GRID2: variants seen among roughly 807,000 people sequenced by gnomAD.
The protein encoded by GRID2 is glutamate ionotropic receptor delta type subunit 2.
A neutral mutation model predicts 114.8 loss-of-function variants in GRID2; 33 were observed. The observed-to-expected ratio is 0.29, with a 90% CI of 0.22 to 0.38. The LOEUF (loss-of-function observed/expected upper bound fraction) is 0.38. Among genes scored for constraint, GRID2 ranks in the 10% least tolerant of loss-of-function variants. The pLI is 1.00. For missense variants in GRID2, 1,184 were observed against 1,257.7 expected, an observed-to-expected ratio of 0.94 and a Z score of 0.89; for synonymous variants, 505 against 449.9, an observed-to-expected ratio of 1.12 and a Z score of -1.55.
intron 13 of GRID2, among the ~76,000 whole-genome samples, chr4:93,588,615 AC>A (rs1482897506): frequency 2.0e-5 from 3 of 152,070 alleles, no homozygotes; most frequent in Non-Finnish European, 4.4e-5. Context: ...ATTCATACCC[AC>A]CCAGCTTCTC....
At chr4:92,414,749 A>C (rs185377981) in intron 1 of GRID2, among the ~76,000 whole-genome samples, 1 of 152,112 alleles carries the variant, frequency 6.6e-6, no homozygotes. Flanking sequence ...AGGTTTTTTT[A>C]TATTTAGTTT....
At position 92,570,959 on chromosome 4, in the gene GRID2, C is replaced by T. The variant is rs1209750666; in HGVS notation, c.89-19172C>T. Reference sequence around the variant, plus strand: ...TTCTTTCTTTCTTTTGCCTGATTGCCCTGGCTAGAACTTCCAATACTATGT... The same window carrying T: ...TTCTTTCTTTCTTTTGCCTGATTGCTCTGGCTAGAACTTCCAATACTATGT... On this transcript the variant is annotated intron_variant, in intron 1 of 15. Transcript: ENST00000282020. 2.0e-5 allele frequency among the ~76,000 whole-genome samples: 3 copies of T among 151,856 alleles called. No homozygotes were observed. The Admixed American group carries it at 2.0e-4, about 10-fold the overall frequency.
intron 1 of GRID2, among the ~76,000 whole-genome samples, chr4:92,446,682 A>T (rs550364473): frequency 6.6e-6 from 1 of 152,336 alleles, no homozygotes; most frequent in East Asian, 1.9e-4. Context: ...CTCTAGCTCC[A>T]CTACATTTTG....
intron 1 of GRID2, among the ~76,000 whole-genome samples, chr4:92,443,591 T>A (rs1198427498): frequency 6.6e-6 from 1 of 152,028 alleles, no homozygotes; most frequent in African/African-American, 2.4e-5. Flanking sequence ...GGCACAGAGA[T>A]ACGAGGTTGG....
At chr4:93,532,993 A>G (rs1371699699) in intron 13 of GRID2, among the ~76,000 whole-genome samples, 1 of 152,022 alleles carries the variant, frequency 6.6e-6, no homozygotes. Flanking sequence ...TAATGTGCAC[A>G]TTTTTTCAGT....
chr4:93,478,705 G>T (rs1052851951), intron 11 of GRID2, among the ~76,000 whole-genome samples: 1 of 151,588 alleles, frequency 6.6e-6, no homozygotes, highest in African/African-American at 2.4e-5. Context: ...AAACTGAAAC[G>T]CATTATTCAA....
At chr4:93,109,756 A>T (rs530109900) in intron 3 of GRID2, among the ~76,000 whole-genome samples, 2 of 152,258 alleles carry the variant, frequency 1.3e-5, no homozygotes, top group South Asian at 4.1e-4. Flanking sequence ...CTATATTAAG[A>T]TTATAGCATA....
chr4:93,036,211 A>G (rs953140045), intron 2 of GRID2, among the ~76,000 whole-genome samples: 2 of 152,132 alleles, frequency 1.3e-5, no homozygotes, highest in Non-Finnish European at 2.9e-5. Flanking sequence ...CTAGTAGTGT[A>G]TACATGGTGC....
chr4:93,810,216 C>A (rs569431397), downstream of GRID2: 1 of 152,220 alleles, frequency 6.6e-6, no homozygotes, highest in Non-Finnish European at 1.5e-5. Flanking sequence ...AAATAAAATC[C>A]TTGGTATTAC....
At chr4:93,677,633 G>A (rs139824206) in intron 14 of GRID2, among the ~76,000 whole-genome samples, 6,233 of 152,102 alleles carry the variant, frequency 0.041, 417 homozygotes, top group African/African-American at 0.14. Flanking sequence ...GAAAATCCGC[G>A]GTTCTGCAGA....
At chr4:93,362,537 C>A (rs1475761123) in intron 8 of GRID2, among the ~76,000 whole-genome samples, 1 of 152,024 alleles carries the variant, frequency 6.6e-6, no homozygotes, top group African/African-American at 2.4e-5. Flanking sequence ...GAGTTTTCAC[C>A]TGTTTCCTGA....
At chr4:92,731,855 G>C (rs1736343489) in intron 2 of GRID2, among the ~76,000 whole-genome samples, 1 of 151,826 alleles carries the variant, frequency 6.6e-6, no homozygotes, top group Non-Finnish European at 1.5e-5. Context: ...ATTTCAACTT[G>C]ATTATTTGAC....
intron 13 of GRID2, among the ~76,000 whole-genome samples, chr4:93,519,117 A>G (rs1730093245): frequency 6.6e-6 from 1 of 152,152 alleles, no homozygotes. Context: ...GTTCATATGC[A>G]TATTAAAGTT....
rs570862064 is a variant in GRID2, at chr4:92,572,422, C to G, written c.89-17709C>G. Among the ~76,000 whole-genome samples, 6 of 152,120 alleles carry G rather than the reference C, an allele frequency of 3.9e-5. No homozygotes were observed. The East Asian group carries it at 9.7e-4, about 25-fold the overall frequency. On this transcript the variant is annotated intron_variant, in intron 1 of 15. Transcript: ENST00000282020. ...CTTACCAATCAAAAAAAGTCCAGGA[C>G]CAGAAGGATTCACAGCCGAATTCTA...
chr4:93,104,033 C>A (rs1052495677), intron 3 of GRID2, among the ~76,000 whole-genome samples: 1 of 151,862 alleles, frequency 6.6e-6, no homozygotes, highest in Non-Finnish European at 1.5e-5. Context: ...TTTTCAGCCC[C>A]CAACTTTCTC....
intron 14 of GRID2, among the ~76,000 whole-genome samples, chr4:93,685,325 T>A (rs540400759): frequency 2.6e-5 from 4 of 152,052 alleles, no homozygotes; most frequent in Non-Finnish European, 4.4e-5. Flanking sequence ...ACTTGTCTTA[T>A]CAAAATCATG....
At chr4:93,104,096 T>C (rs142868449) in intron 3 of GRID2, among the ~76,000 whole-genome samples, 42 of 152,194 alleles carry the variant, frequency 2.8e-4, no homozygotes, top group African/African-American at 9.6e-4. Flanking sequence ...TCTCCAAGTG[T>C]AGTGTAATGT....
intron 8 of GRID2, among the ~76,000 whole-genome samples, chr4:93,349,330 T>G (rs1760558538): frequency 6.6e-6 from 1 of 152,110 alleles, no homozygotes; most frequent in African/African-American, 2.4e-5. Context: ...TATTTTCAAC[T>G]GAATAATCTC....
intron 2 of GRID2, among the ~76,000 whole-genome samples, chr4:92,896,199 T>A (rs1177206073): frequency 6.6e-6 from 1 of 152,140 alleles, no homozygotes; most frequent in Non-Finnish European, 1.5e-5. Flanking sequence ...ATGTTCTGAT[T>A]TCTGAGAAAG....
Sources: allele counts gnomAD v4.1 joint callset (sites outside exome capture counted in the v4.1 genomes callset), GRCh38; gene constraint gnomAD v4.1.1; transcripts MANE v1.5; gene names NCBI Gene and HGNC (gene_info 2026-07-23, HGNC 2026-07-21).